Variants in CTNND2 observed in about 807,000 individuals in gnomAD.
CTNND2 encodes the protein catenin delta-2.
Under a neutral mutation model 144.4 loss-of-function variants are expected in CTNND2, and 22 were observed. That is an observed-to-expected ratio of 0.15 (90% CI 0.11 to 0.22). The LOEUF is 0.22. Among genes scored for constraint, CTNND2 ranks in the 10% least tolerant of loss-of-function variants. The pLI is 1.00. For missense variants in CTNND2, 1,353 were observed against 1,618.8 expected (o/e 0.84, Z 2.82); for synonymous variants, 751 against 695.6 (o/e 1.08, Z -1.25).
chr5:11,421,989 C>T (rs1762400375), intron 3 of CTNND2, among the ~76,000 whole-genome samples: 1 of 152,068 alleles, frequency 6.6e-6, no homozygotes, highest in Non-Finnish European at 1.5e-5. Context: ...AGAACATTTC[C>T]AGGAACATAG....
chr5:11,857,156 A>C (rs550254205), intron 1 of CTNND2, among the ~76,000 whole-genome samples: 1 of 152,206 alleles, frequency 6.6e-6, no homozygotes, highest in Admixed American at 6.5e-5. Flanking sequence ...TGGTTTTCAC[A>C]GTTCAATTTC....
intron 6 of CTNND2, among the ~76,000 whole-genome samples, chr5:11,391,609 T>C (rs1295744137): frequency 6.6e-6 from 1 of 152,236 alleles, no homozygotes; most frequent in African/African-American, 2.4e-5. Context: ...TGCCATTCTT[T>C]AATTCCAAAG....
chr5:11,564,524 A>G (rs1211492180), intron 3 of CTNND2, among the ~76,000 whole-genome samples: 2 of 152,182 alleles, frequency 1.3e-5, no homozygotes, highest in Non-Finnish European at 2.9e-5. Context: ...GGGCAATTTC[A>G]TAACTTAGCA....
At position 11,656,931 on chromosome 5, in the gene CTNND2, G is replaced by C. The variant is rs933860639; in HGVS notation, c.174+75205C>G. ...CACAGGTGAGAACTTGGCCCTCTGC[G>C]TATCATTCAACAAACGCTCTAAGGG... On this transcript the variant is annotated intron_variant, in intron 2 of 21. Transcript: ENST00000304623. Among the ~76,000 whole-genome samples, 119 of 152,212 alleles carry C rather than the reference G, an allele frequency of 7.8e-4. 1 individual carries two copies. The highest frequency in any genetic ancestry group is 2.6e-3 in the African/African-American group (107 of 41,554).
Position 11,117,521 on chromosome 5 carries a change from A to T in CTNND2, c.2206T>A (p.Cys736Ser). 1 of 1,613,862 alleles carries T rather than the reference A, an allele frequency of 6.2e-7. No individual in the cohort carries two copies. Among genetic ancestry groups the T allele is most frequent in the Non-Finnish European group, 8.5e-7 (1 of 1,179,968 alleles). ...AGCAAGGCATCCGTAAGCCCATCAC[A>T]CTCTCTCATCCTTCTGCGGGCCTCC... Reference protein sequence around the residue: ...GEEARRRMRECDGLTDALLYV... With the variant: ...GEEARRRMRESDGLTDALLYV... Residue 736 changes from cysteine (C) to serine (S), a missense_variant, in exon 13 of 22, where the codon TGT (cysteine) becomes AGT (serine). This residue lies in a region of CTNND2 where 459 missense variants were observed against 674.3 expected (regional missense o/e 0.68). Transcript: ENST00000304623.
chr5:11,631,765 T>A (rs1187529282), intron 2 of CTNND2, among the ~76,000 whole-genome samples: 1 of 152,182 alleles, frequency 6.6e-6, no homozygotes, highest in Non-Finnish European at 1.5e-5. Context: ...CTGAGACTAA[T>A]GACTCTGATT....
chr5:11,543,976 C>A (rs1774986751), intron 3 of CTNND2, among the ~76,000 whole-genome samples: 2 of 152,154 alleles, frequency 1.3e-5, no homozygotes, highest in South Asian at 4.1e-4. Flanking sequence ...GGAAATCTTA[C>A]ACACATGAGA....
chr5:10,983,692 A>C (rs932157537), intron 20 of CTNND2, among the ~76,000 whole-genome samples: 1 of 152,122 alleles, frequency 6.6e-6, no homozygotes, highest in Non-Finnish European at 1.5e-5. Flanking sequence ...CGAAGGCCCA[A>C]CTTCCACTCT....
chr5:11,852,280 AT>A (rs10612386), intron 1 of CTNND2, among the ~76,000 whole-genome samples: 5 of 152,126 alleles, frequency 3.3e-5, no homozygotes, highest in South Asian at 2.1e-4. Context: ...TCTGAAAGAG[AT>A]TTTTTTAAGT....
intron 2 of CTNND2, among the ~76,000 whole-genome samples, chr5:11,664,094 C>T (rs1424513061): frequency 6.6e-6 from 1 of 152,116 alleles, no homozygotes; most frequent in Non-Finnish European, 1.5e-5. Context: ...ACCTGAATGC[C>T]TCAGATAAAG....
At chr5:11,182,152 G>GGT (rs1438517377) in intron 11 of CTNND2, among the ~76,000 whole-genome samples, 2 of 139,884 alleles carry the variant, frequency 1.4e-5, no homozygotes, top group Non-Finnish European at 1.6e-5. Flanking sequence ...GTGTGGATGG[G>GGT]GTGTGTGTGT....
chr5:11,825,670 A>C (rs1016610926), intron 1 of CTNND2, among the ~76,000 whole-genome samples: 3 of 152,194 alleles, frequency 2.0e-5, no homozygotes, highest in African/African-American at 7.2e-5. Context: ...ATTATTAATA[A>C]TATTATTATT....
chr5:11,843,288 C>T (rs1212164492), intron 1 of CTNND2, among the ~76,000 whole-genome samples: 1 of 151,866 alleles, frequency 6.6e-6, no homozygotes, highest in Admixed American at 6.5e-5. Flanking sequence ...TTACATAAAT[C>T]ATTTTATTTT....
chr5:11,421,968 G>A (rs1388363353), intron 3 of CTNND2, among the ~76,000 whole-genome samples: 4 of 152,222 alleles, frequency 2.6e-5, no homozygotes, highest in South Asian at 4.2e-4. Flanking sequence ...TATAAAACAC[G>A]AAAAATCCAT....
intron 9 of CTNND2, among the ~76,000 whole-genome samples, chr5:11,272,748 C>A (rs997457180): frequency 2.6e-5 from 4 of 152,096 alleles, no homozygotes; most frequent in African/African-American, 9.7e-5. Context: ...ACTCAAGGGG[C>A]AAAGGGCGAC....
At chr5:11,261,665 A>G (rs26454) in intron 9 of CTNND2, among the ~76,000 whole-genome samples, 71,680 of 152,144 alleles carry the variant, frequency 0.47, 17,026 homozygotes, top group African/African-American at 0.5. Flanking sequence ...CCACCCCAAG[A>G]TGGATATAGG....
At chr5:11,260,136 G>A (rs111977218) in intron 9 of CTNND2, among the ~76,000 whole-genome samples, 3,140 of 152,212 alleles carry the variant, frequency 0.021, 55 homozygotes, top group Middle Eastern at 0.065. Context: ...GTGAAGTGAT[G>A]GAGATAGGAA....
At chr5:11,085,789 T>A (rs1298314413) in intron 15 of CTNND2, among the ~76,000 whole-genome samples, 1 of 152,176 alleles carries the variant, frequency 6.6e-6, no homozygotes, top group African/African-American at 2.4e-5. Context: ...TGCCAGCTGA[T>A]CCCTGGAGTC....
At chr5:11,280,488 C>T (rs927216108) in intron 9 of CTNND2, among the ~76,000 whole-genome samples, 1 of 152,100 alleles carries the variant, frequency 6.6e-6, no homozygotes, top group Admixed American at 6.5e-5. Flanking sequence ...CCTGCTGTGC[C>T]CTCACATGAT....
Sources: gnomAD v4.1 joint callset for allele counts (sites outside exome capture counted in the v4.1 genomes callset) on GRCh38, gnomAD v4.1.1 for gene constraint, gnomAD v4.1.1 regional missense constraint, MANE v1.5 for transcripts, NCBI Gene and HGNC (gene_info 2026-07-23, HGNC 2026-07-21) for gene names.